The following TNRC6B variants were observed in gnomAD, a reference collection of about 807,000 sequenced individuals.
TNRC6B encodes the protein trinucleotide repeat containing adaptor 6B, also known as trinucleotide repeat-containing gene 6B protein.
Under a neutral mutation model 203.6 loss-of-function variants are expected in TNRC6B, and 52 were observed. That is an observed-to-expected ratio of 0.26 (90% CI 0.20 to 0.32). TNRC6B has a LOEUF of 0.32. Ranked by LOEUF, TNRC6B falls within the 10% of genes least tolerant of loss-of-function variation. TNRC6B has a pLI of 1.00. For missense variants in TNRC6B, 1,923 were observed against 2,286.2 expected (o/e 0.84, Z 3.24); for synonymous variants, 838 against 845.7 (o/e 0.99, Z 0.16).
At chr22:40,213,666 G>A (rs1249031147) in intron 1 of TNRC6B, among the ~76,000 whole-genome samples, 2 of 152,176 alleles carry the variant, frequency 1.3e-5, no homozygotes, top group South Asian at 4.1e-4. Context: ...CTAGCATCCC[G>A]TGGTGCAGTG....
At chr22:40,185,647 C>A (rs986936736) in intron 1 of TNRC6B, among the ~76,000 whole-genome samples, 3 of 152,048 alleles carry the variant, frequency 2.0e-5, no homozygotes, top group Non-Finnish European at 2.9e-5. Flanking sequence ...AGGTTGCACA[C>A]GTGTACAGGA....
At chr22:40,069,098 T>C (rs972483369) in intron 1 of TNRC6B, among the ~76,000 whole-genome samples, 36 of 152,206 alleles carry the variant, frequency 2.4e-4, no homozygotes, top group African/African-American at 8.4e-4. Flanking sequence ...ACAAATTTGC[T>C]ATGAAAGTTT....
At chr22:40,239,373 G>A (rs1000435991) in intron 1 of TNRC6B, among the ~76,000 whole-genome samples, 1 of 152,204 alleles carries the variant, frequency 6.6e-6, no homozygotes. Context: ...CACTTCAGGT[G>A]CTCTGATGCT....
intron 1 of TNRC6B, among the ~76,000 whole-genome samples, chr22:40,080,601 T>C (rs1569253542): frequency 6.6e-6 from 1 of 152,134 alleles, no homozygotes; most frequent in Non-Finnish European, 1.5e-5. Flanking sequence ...AATCTGTCCA[T>C]ATCCAACTTC....
Position 40,178,087 on chromosome 22 carries a change from T to G in TNRC6B, c.-49T>G. 1 of 1,601,538 alleles carries G rather than the reference T, an allele frequency of 6.2e-7. No homozygotes were observed. Among genetic ancestry groups the G allele is most frequent in the Non-Finnish European group, 8.5e-7 (1 of 1,176,346 alleles). On this transcript the variant is annotated 5_prime_UTR_variant, in exon 1 of 23. In the 5' UTR this introduces an upstream ATG that the reference lacks. Coordinates refer to ENST00000454349, the MANE Select transcript of TNRC6B (RefSeq NM_001162501.2). ...TTTTTGGACCTTTTTTCATTTCCATTTCTACCTTGTATGCCTCAATTTGCT... is the reference window on the plus strand; with the variant it reads ...TTTTTGGACCTTTTTTCATTTCCATGTCTACCTTGTATGCCTCAATTTGCT...
chr22:40,223,031 G>C (rs2069735931), intron 1 of TNRC6B, among the ~76,000 whole-genome samples: 1 of 152,008 alleles, frequency 6.6e-6, no homozygotes, highest in East Asian at 1.9e-4. Flanking sequence ...ATAGGCATGA[G>C]CCACCACACC....
At position 40,265,192 on chromosome 22, in the gene TNRC6B, G is replaced by A. The variant is rs774512479; in HGVS notation, c.962G>A (p.Arg321Lys). The change falls in exon 5 of 23, where the codon AGG (arginine) becomes AAG (lysine). Residue 321 changes from arginine to lysine, a missense_variant. This residue lies in a region of TNRC6B where 614 missense variants were observed against 587.7 expected (regional missense o/e 1.04). Transcript: ENST00000454349. ...WPALVQEGTS[R>K]KGALETDNSN... is the part of the protein sequence containing the mutation. ...GCACTGGTCCAAGAAGGAACTTCTAGGAAAGGGGCATTGGAAACAGATAAT... is the reference window on the plus strand; with the variant it reads ...GCACTGGTCCAAGAAGGAACTTCTAAGAAAGGGGCATTGGAAACAGATAAT... 2.7e-5 allele frequency: 43 copies of A among 1,613,858 alleles called. No individual in the cohort carries two copies. Among genetic ancestry groups the A allele is most frequent in the Non-Finnish European group, 3.6e-5 (43 of 1,179,900 alleles).
chr22:40,122,471 C>G (rs1368011444), intron 2 of TNRC6B, among the ~76,000 whole-genome samples: 2 of 152,124 alleles, frequency 1.3e-5, no homozygotes, highest in Non-Finnish European at 2.9e-5. Context: ...TTGTGAGGGT[C>G]CTGTGTTTAT....
chr22:40,175,919 A>G (rs1235773979), upstream of TNRC6B, among the ~76,000 whole-genome samples: 1 of 152,214 alleles, frequency 6.6e-6, no homozygotes, highest in Non-Finnish European at 1.5e-5. Flanking sequence ...ATAAAGACCC[A>G]GAAGCCAGGA....
At chr22:40,148,597 TA>T (rs1186123361) in intron 3 of TNRC6B, among the ~76,000 whole-genome samples, 5 of 149,600 alleles carry the variant, frequency 3.3e-5, no homozygotes, top group African/African-American at 1.0e-4. Context: ...AACAGCTTCT[TA>T]AAAAGTTAAA....
rs550333189 is a variant in TNRC6B, at chr22:40,334,287, A to C, written c.*11046A>C. ...ATCAAAAATGGTGCATGCACCGTGA[A>C]TGTGCTCACAGAGACACGTGCACAA... On this transcript the variant is annotated 3_prime_UTR_variant, in exon 23 of 23. Transcript: ENST00000454349. 4.6e-5 allele frequency: 7 copies of C among 152,794 alleles called. No individual in the cohort carries two copies. The East Asian group carries it at 1.2e-3, about 25-fold the overall frequency. The allele number at this position is 152,794 out of a possible 1,614,324, so 9.5% of individuals were successfully genotyped here. A position where few individuals can be genotyped will look rare whatever the true frequency, so the allele number is the denominator to read the frequency against.
intron 15 of TNRC6B, among the ~76,000 whole-genome samples, chr22:40,302,795 A>G (rs1260630724): frequency 6.6e-6 from 1 of 152,118 alleles, no homozygotes; most frequent in Non-Finnish European, 1.5e-5. Context: ...CTTGATCTTG[A>G]TCTGGATATT....
At chr22:40,254,311 C>T (rs113781952) in intron 3 of TNRC6B, among the ~76,000 whole-genome samples, 8 of 152,230 alleles carry the variant, frequency 5.3e-5, no homozygotes, top group Non-Finnish European at 2.9e-5. Context: ...AGCCCAATTG[C>T]GTAGACTATG....
intron 1 of TNRC6B, among the ~76,000 whole-genome samples, chr22:40,210,266 T>C (rs564072179): frequency 1.3e-5 from 2 of 152,186 alleles, no homozygotes; most frequent in South Asian, 4.2e-4. Flanking sequence ...AGTAGTCAAG[T>C]GAGATGAGAC....
At chr22:40,068,457 A>G (rs1381518471) in intron 1 of TNRC6B, among the ~76,000 whole-genome samples, 1 of 152,084 alleles carries the variant, frequency 6.6e-6, no homozygotes, top group Non-Finnish European at 1.5e-5. Context: ...AGCTGGGACT[A>G]CAGGCACGCG....
intron 2 of TNRC6B, among the ~76,000 whole-genome samples, chr22:40,120,591 A>T (rs1177331353): frequency 6.6e-6 from 1 of 152,146 alleles, no homozygotes; most frequent in Non-Finnish European, 1.5e-5. Flanking sequence ...AATAATTTGG[A>T]AGACAAGGCT....
Position 40,170,591 on chromosome 22 carries a change from T to TTATATGTAGTTTATATATATATTA in TNRC6B, c.113+14414_113+14415insGTAGTTTATATATATATTATATAT. ...ATTATATATATAGTTTATATATATA[T>TTATATGTAGTTTATATATATATTA]TATATATAGTTTATATATATCCTAT... On this transcript the variant is annotated intron_variant, in intron 4 of 23. Coordinates refer to the TNRC6B transcript ENST00000301923. 1.2e-4 allele frequency among the ~76,000 whole-genome samples: 2 copies of TTATATGTAGTTTATATATATATTA among 16,540 alleles called. 1 individual carries two copies. The highest frequency in any genetic ancestry group is 3.2e-3 in the African/African-American group (2 of 626). 10.9% of individuals were successfully genotyped at this position (16,540 alleles called of 152,430 possible).
chr22:40,314,245 C>T (rs2071227039), intron 19 of TNRC6B, among the ~76,000 whole-genome samples: 1 of 152,162 alleles, frequency 6.6e-6, no homozygotes, highest in Admixed American at 6.5e-5. Flanking sequence ...TGATCTCATG[C>T]ATCATTTAGT....
upstream of TNRC6B, among the ~76,000 whole-genome samples, chr22:40,176,390 G>C (rs976160540): frequency 1.3e-5 from 2 of 152,064 alleles, no homozygotes; most frequent in African/African-American, 4.8e-5. Context: ...GCCTCCCAAA[G>C]TGCTGGGATT....
Sources: allele counts gnomAD v4.1 joint callset (sites outside exome capture counted in the v4.1 genomes callset), GRCh38; gene constraint gnomAD v4.1.1; regional missense constraint gnomAD v4.1.1; transcripts MANE v1.5; gene names NCBI Gene and HGNC (gene_info 2026-07-23, HGNC 2026-07-21).